The following SYNRG variants were observed in gnomAD, a reference collection of about 807,000 sequenced individuals.
SYNRG encodes AP1 gamma subunit binding protein 1.
SYNRG carries 37 observed loss-of-function variants against 130.9 expected under a neutral mutation model. The observed-to-expected ratio is 0.28, with a 90% CI of 0.22 to 0.37. SYNRG has a LOEUF of 0.37. Among genes scored for constraint, SYNRG ranks in the 10% least tolerant of loss-of-function variants. The pLI is 1.00. For missense variants in SYNRG, 1,338 were observed against 1,588.9 expected (o/e 0.84, Z 2.68); for synonymous variants, 539 against 568.1 (o/e 0.95, Z 0.73).
At chr17:37,552,087 T>G (rs549744663) in intron 14 of SYNRG, among the ~76,000 whole-genome samples, 1 of 152,194 alleles carries the variant, frequency 6.6e-6, no homozygotes, top group African/African-American at 2.4e-5. Flanking sequence ...CTTGCCAATT[T>G]GACATATGCA....
At chr17:37,574,292 C>A (rs2060645233) in intron 8 of SYNRG, among the ~76,000 whole-genome samples, 1 of 152,250 alleles carries the variant, frequency 6.6e-6, no homozygotes, top group African/African-American at 2.4e-5. Context: ...AGACCAGAAA[C>A]TATGAAACTA....
At chr17:37,545,012 G>A (rs564213020) in intron 14 of SYNRG, among the ~76,000 whole-genome samples, 6 of 151,986 alleles carry the variant, frequency 3.9e-5, no homozygotes, top group Non-Finnish European at 8.8e-5. Flanking sequence ...CAGAGTTTAG[G>A]AGTTCGAGAC....
chr17:37,560,370 G>A (rs1397477393), intron 13 of SYNRG, among the ~76,000 whole-genome samples: 1 of 136,530 alleles, frequency 7.3e-6, no homozygotes, highest in East Asian at 2.1e-4. Context: ...GAATCTTGCT[G>A]TGTTGCCCAG....
chr17:37,529,921 G>A, intron 19 of SYNRG: 1 of 1,394,372 alleles, frequency 7.2e-7, no homozygotes, highest in Non-Finnish European at 9.9e-7. Context: ...GTTAACTGCA[G>A]TAAGAACCGA....
intron 13 of SYNRG, 105 bp downstream of exon 13, chr17:37,561,090 C>A: frequency 4.4e-6 from 4 of 909,808 alleles, no homozygotes; most frequent in Non-Finnish European, 7.0e-6. Context: ...AACACACAGA[C>A]ACACACACAC....
At chr17:37,577,234 G>A in intron 7 of SYNRG, 146 bp downstream of exon 7, 1 of 681,108 alleles carries the variant, frequency 1.5e-6, no homozygotes, top group Non-Finnish European at 2.5e-6. Flanking sequence ...GGGTTAATTG[G>A]AGAAAGGAAT....
intron 15 of SYNRG, chr17:37,540,814 TAGTAGA>T: frequency 1.2e-6 from 1 of 818,236 alleles, no homozygotes; most frequent in Non-Finnish European, 1.6e-6. Context: ...TTTGTATTTT[TAGTAGA>T]TACACGGTTT....
chr17:37,572,386 T>C (rs1348193744), intron 8 of SYNRG, among the ~76,000 whole-genome samples: 1 of 151,538 alleles, frequency 6.6e-6, no homozygotes, highest in Non-Finnish European at 1.5e-5. Flanking sequence ...AGATCACGAC[T>C]CTGCACTCTG....
chr17:37,554,108 C>A, intron 13 of SYNRG, 49 bp from the exon 14 acceptor site: 2 of 1,522,842 alleles, frequency 1.3e-6, no homozygotes, highest in South Asian at 2.4e-5. Flanking sequence ...AACTGAAAAC[C>A]ATATAATACA....
chr17:37,586,313 C>T lies in SYNRG; in HGVS notation c.371+106G>A, dbSNP rs2061686437. On this transcript the variant is annotated intron_variant, in intron 4 of 21. Coordinates refer to ENST00000612223, the MANE Select transcript of SYNRG (RefSeq NM_007247.6). ...CAGGCCTTAAGAGTTTTAAAGACAA[C>T]TTTTGACTGTTTTAGTTTCAAATCT... is the stretch of plus-strand genomic sequence containing the variant. 2.0e-6 allele frequency: 3 copies of T among 1,490,488 alleles called. No individual in the cohort carries two copies. The Admixed American group carries it at 6.3e-5, about 31-fold the overall frequency. The allele number at this position is 1,490,488 out of a possible 1,614,324, so 92.3% of individuals were successfully genotyped here.
At position 37,536,130 on chromosome 17, in the gene SYNRG, G is replaced by A. The variant is rs1598160025; in HGVS notation, c.3518-3C>T. 1 of 1,606,536 alleles carries A rather than the reference G, an allele frequency of 6.2e-7. No individual in the cohort carries two copies. The highest frequency in any genetic ancestry group is 8.5e-7 in the Non-Finnish European group (1 of 1,175,984). On this transcript the variant is annotated splice_region_variant and splice_polypyrimidine_tract_variant and intron_variant, in intron 18 of 21. Transcript: ENST00000612223. ...TACCCTGTACACTTCAACAACACCTGACGGGATGAGAGAGCAGAGAGAGAG... is the reference window on the plus strand; with the variant it reads ...TACCCTGTACACTTCAACAACACCTAACGGGATGAGAGAGCAGAGAGAGAG...
intron 13 of SYNRG, among the ~76,000 whole-genome samples, chr17:37,558,827 TC>T (rs2059310453): frequency 6.6e-6 from 1 of 152,214 alleles, no homozygotes; most frequent in South Asian, 2.1e-4. Context: ...TTTGAAATGA[TC>T]CTGTGTCTTG....
At chr17:37,579,692 T>TA (rs1408953435) in intron 6 of SYNRG, among the ~76,000 whole-genome samples, 1 of 152,172 alleles carries the variant, frequency 6.6e-6, no homozygotes, top group African/African-American at 2.4e-5. Context: ...AAGGTAAAAC[T>TA]AAAAATACAT....
intron 19 of SYNRG, among the ~76,000 whole-genome samples, chr17:37,525,771 G>C (rs62076708): frequency 6.6e-5 from 10 of 152,152 alleles, no homozygotes; most frequent in East Asian, 5.8e-4. Context: ...TTGGAGACCA[G>C]CCTGGCCAAC....
At chr17:37,525,753 G>A (rs1424002839) in intron 19 of SYNRG, among the ~76,000 whole-genome samples, 1 of 151,662 alleles carries the variant, frequency 6.6e-6, no homozygotes, top group Non-Finnish European at 1.5e-5. Context: ...GGATCACGAG[G>A]TCAGGCTTTG....
At chr17:37,595,429 A>T (rs1280714301) in intron 3 of SYNRG, among the ~76,000 whole-genome samples, 1 of 152,222 alleles carries the variant, frequency 6.6e-6, no homozygotes, top group Non-Finnish European at 1.5e-5. Context: ...TGTTCTCACA[A>T]GTGGGAGCTA....
chr17:37,583,385 T>C (rs1162377405), intron 6 of SYNRG, among the ~76,000 whole-genome samples: 1 of 152,234 alleles, frequency 6.6e-6, no homozygotes, highest in Non-Finnish European at 1.5e-5. Flanking sequence ...AATATCTGTT[T>C]TCTTTTCAAT....
At chr17:37,557,992 T>A (rs1465217496) in intron 13 of SYNRG, among the ~76,000 whole-genome samples, 2 of 152,238 alleles carry the variant, frequency 1.3e-5, no homozygotes, top group Admixed American at 6.5e-5. Context: ...TGTTAAACCA[T>A]GTGCTCTTTA....
intron 16 of SYNRG, among the ~76,000 whole-genome samples, chr17:37,539,530 G>A (rs2057534840): frequency 6.6e-6 from 1 of 152,006 alleles, no homozygotes; most frequent in African/African-American, 2.4e-5. Flanking sequence ...ACCACCACAT[G>A]AGGCTAATTT....
Sources: gnomAD v4.1 joint callset for allele counts (sites outside exome capture counted in the v4.1 genomes callset) on GRCh38, gnomAD v4.1.1 for gene constraint, MANE v1.5 for transcripts, NCBI Gene and HGNC (gene_info 2026-07-23, HGNC 2026-07-21) for gene names.